Variants in C13orf42 observed in about 807,000 individuals in gnomAD.
C13orf42 encodes the protein chromosome 13 open reading frame 42.
chr13:51,120,344 G>A (rs1329902010), intron 1 of C13orf42, among the ~76,000 whole-genome samples: 1 of 152,158 alleles, frequency 6.6e-6, no homozygotes, highest in African/African-American at 2.4e-5. Flanking sequence ...ATAGAGCCAA[G>A]ATGTGAACGC....
intron 1 of C13orf42, among the ~76,000 whole-genome samples, chr13:51,132,401 C>G (rs1566135106): frequency 6.6e-6 from 1 of 151,706 alleles, no homozygotes; most frequent in Non-Finnish European, 1.5e-5. Flanking sequence ...CCACTGCAAT[C>G]CAGCCTGGTG....
chr13:51,123,577 C>T (rs985717586), intron 1 of C13orf42, among the ~76,000 whole-genome samples: 9 of 152,202 alleles, frequency 5.9e-5, no homozygotes, highest in South Asian at 2.1e-4. Flanking sequence ...TGCATCATCA[C>T]GGTTTGTGTA....
At chr13:51,140,379 G>T (rs1276449910) in intron 1 of C13orf42, among the ~76,000 whole-genome samples, 2 of 152,156 alleles carry the variant, frequency 1.3e-5, no homozygotes, top group Non-Finnish European at 2.9e-5. Flanking sequence ...GCTGTGACAC[G>T]AGCACGTCCT....
At chr13:51,084,923 C>G (rs1010960209) in intron 3 of C13orf42, among the ~76,000 whole-genome samples, 1 of 152,134 alleles carries the variant, frequency 6.6e-6, no homozygotes, top group African/African-American at 2.4e-5. Context: ...AGAGGGGCAT[C>G]TGATTCATTT....
chr13:51,095,035 C>T (rs1024579715), intron 1 of C13orf42, among the ~76,000 whole-genome samples: 52 of 152,148 alleles, frequency 3.4e-4, no homozygotes, highest in Non-Finnish European at 1.0e-4. Context: ...GCCTTTGTTT[C>T]TCCTTTGCCT....
intron 1 of C13orf42, chr13:51,161,946 C>A: frequency 6.2e-6 from 3 of 487,028 alleles, no homozygotes; most frequent in South Asian, 4.8e-5. Context: ...GTGCTTCCCA[C>A]GTTGTATTCA....
intron 1 of C13orf42, among the ~76,000 whole-genome samples, chr13:51,170,599 A>G (rs948525037): frequency 2.6e-5 from 4 of 152,236 alleles, no homozygotes; most frequent in African/African-American, 9.6e-5. Context: ...GTAGAGACAA[A>G]AGAGACATGT....
chr13:51,145,109 G>C (rs1953724843), intron 1 of C13orf42, among the ~76,000 whole-genome samples: 2 of 149,828 alleles, frequency 1.3e-5, no homozygotes, highest in South Asian at 4.2e-4. Flanking sequence ...TTGGCTACAA[G>C]TCTTCAAAAT....
At chr13:51,152,194 T>C (rs568459506) in intron 1 of C13orf42, among the ~76,000 whole-genome samples, 302 of 152,364 alleles carry the variant, frequency 2.0e-3, no homozygotes, top group Middle Eastern at 6.8e-3. Context: ...CCTACTGCTA[T>C]GTGACCATGC....
chr13:51,099,679 G>C (rs564528681), intron 1 of C13orf42, among the ~76,000 whole-genome samples: 2 of 152,252 alleles, frequency 1.3e-5, no homozygotes, highest in East Asian at 3.9e-4. Flanking sequence ...CTGTCACTCA[G>C]GCTGGAGTGC....
chr13:51,170,426 G>A lies in C13orf42; in HGVS notation n.136+1827C>T, dbSNP rs55706293. Among the ~76,000 whole-genome samples, 15 of 152,230 alleles carry A rather than the reference G, an allele frequency of 9.9e-5. No individual in the cohort carries two copies. In the East Asian group the frequency reaches 1.4e-3, roughly 14 times the overall value. On this transcript the variant is annotated intron_variant and non_coding_transcript_variant, in intron 1 of 4. Transcript: ENST00000433280. Reference sequence around the variant, plus strand: ...ACCTACGACCTCAGGTCCTCAGACCGACCGGCCCAAGAAACATCTCACCAA... The same window carrying A: ...ACCTACGACCTCAGGTCCTCAGACCAACCGGCCCAAGAAACATCTCACCAA...
intron 1 of C13orf42, among the ~76,000 whole-genome samples, chr13:51,090,462 A>G (rs1261328468): frequency 6.6e-6 from 1 of 152,162 alleles, no homozygotes; most frequent in Non-Finnish European, 1.5e-5. Context: ...AAGGATGGGT[A>G]TTATTTAATA....
chr13:51,172,171 G>A (rs1953960170), intron 1 of C13orf42: 1 of 152,194 alleles, frequency 6.6e-6, no homozygotes. Context: ...ACTGGGCCAA[G>A]GAATGCCCGC....
chr13:51,115,433 A>C (rs141218107), upstream of C13orf42, among the ~76,000 whole-genome samples: 1 of 152,234 alleles, frequency 6.6e-6, no homozygotes, highest in Non-Finnish European at 1.5e-5. Flanking sequence ...TCCTCCCTAC[A>C]GTTGGGGACG....
intron 1 of C13orf42, among the ~76,000 whole-genome samples, chr13:51,136,436 G>C (rs1953658362): frequency 6.6e-6 from 1 of 152,212 alleles, no homozygotes; most frequent in Admixed American, 6.5e-5. Flanking sequence ...TGGCTATGGA[G>C]CAAATCAGAT....
intron 1 of C13orf42, among the ~76,000 whole-genome samples, chr13:51,095,752 T>TGGAA (rs1416279124): frequency 2.0e-5 from 3 of 152,190 alleles, no homozygotes; most frequent in Non-Finnish European, 4.4e-5. Context: ...CCATCTGATC[T>TGGAA]TGTGTGTTTT....
In C13orf42 at chr13:51,171,162, G is replaced by A. The variant is rs188079813; in HGVS notation, n.136+1091C>T. Among the ~76,000 whole-genome samples, 3 of 151,972 alleles carry A rather than the reference G, an allele frequency of 2.0e-5. No homozygotes were observed. The East Asian group carries it at 5.8e-4, about 29-fold the overall frequency. On this transcript the variant is annotated intron_variant and non_coding_transcript_variant, in intron 1 of 4. Transcript: ENST00000433280. Reference sequence around the variant, plus strand: ...CTCCATTCCTCCTTCTCCTCCCTTAGCCTGTGTTCTCAAAAACTTAAAACC... The same window carrying A: ...CTCCATTCCTCCTTCTCCTCCCTTAACCTGTGTTCTCAAAAACTTAAAACC...
At chr13:51,169,861 G>C (rs1292118400) in intron 1 of C13orf42, among the ~76,000 whole-genome samples, 4 of 152,206 alleles carry the variant, frequency 2.6e-5, no homozygotes, top group African/African-American at 9.6e-5. Context: ...TGCAGGGGTG[G>C]AGTCTGTCAG....
intron 1 of C13orf42, among the ~76,000 whole-genome samples, chr13:51,170,429 C>T (rs1264266467): frequency 1.3e-5 from 2 of 152,170 alleles, no homozygotes; most frequent in African/African-American, 2.4e-5. Flanking sequence ...TCAGACCGAC[C>T]GGCCCAAGAA....
Sources: allele counts gnomAD v4.1 joint callset (sites outside exome capture counted in the v4.1 genomes callset), GRCh38; gene constraint gnomAD v4.1.1; transcripts MANE v1.5; gene names NCBI Gene and HGNC (gene_info 2026-07-23, HGNC 2026-07-21).